The following FILIP1L variants were observed in gnomAD, a reference collection of about 807,000 sequenced individuals.
The protein encoded by FILIP1L is filamin A-interacting protein 1-like.
In FILIP1L, 55 loss-of-function variants were observed where a neutral mutation model predicts 96.6. The observed-to-expected ratio is 0.57, with a 90% confidence interval of 0.46 to 0.71. The LOEUF is 0.71. FILIP1L is among the 30% of genes least tolerant of loss of function. The pLI, the probability that FILIP1L is intolerant of heterozygous loss-of-function variation, is 0.00. For synonymous variants in FILIP1L, 467 were observed against 473.9 expected, an observed-to-expected ratio of 0.99 and a Z score of 0.19; for missense variants, 1,304 against 1,321.2, an observed-to-expected ratio of 0.99 and a Z score of 0.20.
chr3:99,856,773 C>T (rs1207181377), intron 4 of FILIP1L, among the ~76,000 whole-genome samples: 1 of 152,126 alleles, frequency 6.6e-6, no homozygotes, highest in Non-Finnish European at 1.5e-5. Context: ...TTTTTATTTG[C>T]AGACACATAT....
At chr3:99,860,501 G>T (rs1944192536) in intron 4 of FILIP1L, among the ~76,000 whole-genome samples, 1 of 152,156 alleles carries the variant, frequency 6.6e-6, no homozygotes, top group Non-Finnish European at 1.5e-5. Flanking sequence ...AAGTAACTGA[G>T]AAAAAGGGTC....
chr3:100,025,410 TCTC>T (rs2064901008), intron 1 of FILIP1L: 2 of 152,210 alleles, frequency 1.3e-5, no homozygotes, highest in African/African-American at 4.8e-5. Context: ...CTTTCCTTCT[TCTC>T]TTCCTTCCTT....
intron 1 of FILIP1L, among the ~76,000 whole-genome samples, chr3:100,037,957 G>C (rs5851192): frequency 1.9e-4 from 2 of 10,646 alleles, no homozygotes; most frequent in African/African-American, 2.7e-4. Flanking sequence ...TTTTTTTTTT[G>C]GGGGGGGAGG....
chr3:100,074,675 A>ATTTTTTTTTTTTTTTTTTTTTTTTTTT lies in FILIP1L; in HGVS notation c.-11+39351_-11+39377dup, dbSNP rs555819875. On this transcript the variant is annotated intron_variant, in intron 1 of 5. Coordinates refer to ENST00000477258, the MANE Select transcript of FILIP1L (RefSeq NM_001387850.1). The stretch of plus-strand genomic sequence containing the variant: ...ATTTTCTATGCATGTGCAACATTTG[A>ATTTTTTTTTTTTTTTTTTTTTTTTTTT]TTTTTTTTTTTTTTTTTTTTTTTTT... 9.8e-4 allele frequency among the ~76,000 whole-genome samples: 34 copies of ATTTTTTTTTTTTTTTTTTTTTTTTTTT among 34,802 alleles called. 15 individuals are homozygous for ATTTTTTTTTTTTTTTTTTTTTTTTTTT. The highest frequency in any genetic ancestry group is 4.2e-3 in the East Asian group (4 of 942). 22.8% of individuals were successfully genotyped at this position (34,802 alleles called of 152,430 possible).
At chr3:100,042,145 A>G (rs976147701) in intron 1 of FILIP1L, among the ~76,000 whole-genome samples, 1 of 152,340 alleles carries the variant, frequency 6.6e-6, no homozygotes, top group South Asian at 2.1e-4. Flanking sequence ...TCATTATTAC[A>G]TATTAAAGGA....
At chr3:99,938,930 C>T (rs1707775448) in intron 1 of FILIP1L, among the ~76,000 whole-genome samples, 1 of 152,108 alleles carries the variant, frequency 6.6e-6, no homozygotes, top group Non-Finnish European at 1.5e-5. Context: ...TAAAAAAAGA[C>T]AATTGAAAAC....
chr3:99,916,064 G>C (rs1322799037), intron 4 of FILIP1L, among the ~76,000 whole-genome samples: 1 of 152,288 alleles, frequency 6.6e-6, no homozygotes, highest in African/African-American at 2.4e-5. Flanking sequence ...TGTCTGAATA[G>C]CTGGTTAAAC....
At chr3:99,967,921 T>C (rs1269216996) in intron 1 of FILIP1L, among the ~76,000 whole-genome samples, 3 of 152,206 alleles carry the variant, frequency 2.0e-5, no homozygotes, top group Non-Finnish European at 4.4e-5. Flanking sequence ...AATAGATAAG[T>C]GCAACGGTAT....
intron 1 of FILIP1L, among the ~76,000 whole-genome samples, chr3:100,074,104 G>A (rs2065807759): frequency 6.6e-6 from 1 of 152,098 alleles, no homozygotes; most frequent in Non-Finnish European, 1.5e-5. Flanking sequence ...GAAAATATGA[G>A]GCAGATCTTG....
chr3:100,056,803 G>A (rs1349590130), intron 1 of FILIP1L, among the ~76,000 whole-genome samples: 1 of 151,460 alleles, frequency 6.6e-6, no homozygotes, highest in African/African-American at 2.4e-5. Context: ...AGGAGATCGA[G>A]ACCATCCTGG....
intron 1 of FILIP1L, among the ~76,000 whole-genome samples, chr3:99,946,053 T>C (rs1206131000): frequency 8.5e-5 from 13 of 152,224 alleles, no homozygotes. Context: ...ATAAAGTTCT[T>C]GAAATTATGG....
Position 99,849,146 on chromosome 3 carries a change from C to G in FILIP1L, c.2530G>C (p.Val844Leu), listed in dbSNP as rs779840156. 13 of 1,614,040 alleles carry G rather than the reference C, an allele frequency of 8.1e-6. No homozygotes were observed. The highest frequency in any genetic ancestry group is 1.0e-5 in the Non-Finnish European group (12 of 1,180,032). The change falls in exon 5 of 6, where the codon GTG becomes CTG. Residue 844 changes from valine to leucine, a missense_variant. By Grantham distance (32) the Val-to-Leu change is conservative. Transcript: ENST00000477258. ...GACTGGCTGCATTTGAAGGACAGCA[C>G]AGATCCCTCATCATTAGGGTCCTCG... ...QDEDPNDEGS[V>L]LSFKCSQSTP... is the part of the protein sequence containing the mutation.
rs750854972 is a variant in FILIP1L, at chr3:99,850,712, G to A, written c.964C>T (p.Gln322Ter). 6 of 1,614,120 alleles carry A rather than the reference G, an allele frequency of 3.7e-6. No homozygotes were observed. The highest frequency in any genetic ancestry group is 1.1e-5 in the South Asian group (1 of 91,066). Residue 322 changes from glutamine to a stop codon, truncating the protein, a stop_gained, in exon 5 of 6, where the codon CAG becomes TAG. Coordinates refer to ENST00000477258, the MANE Select transcript of FILIP1L (RefSeq NM_001387850.1). LOFTEE classifies it high-confidence loss of function. ...AGTGCTGCCAGCTTTTGTTGAAGCT[G>A]GCGATTTTGACTGTCCTCATTGGTG... ...KLTNEDSQNR[Q>*]LQQKLAALSR... is the part of the protein sequence containing the mutation.
intron 4 of FILIP1L, among the ~76,000 whole-genome samples, chr3:99,865,820 TG>T (rs1251504921): frequency 3.3e-5 from 5 of 152,024 alleles, no homozygotes; most frequent in Non-Finnish European, 4.4e-5. Flanking sequence ...AATATTTATA[TG>T]TTTTTTTATT....
chr3:100,070,700 C>T (rs1462798011), intron 1 of FILIP1L, among the ~76,000 whole-genome samples: 1 of 152,136 alleles, frequency 6.6e-6, no homozygotes, highest in Non-Finnish European at 1.5e-5. Flanking sequence ...GGCGCAATCT[C>T]GGCTCACTGC....
chr3:99,843,574 G>A (rs1353734673), intron 5 of FILIP1L, among the ~76,000 whole-genome samples: 1 of 152,038 alleles, frequency 6.6e-6, no homozygotes, highest in Non-Finnish European at 1.5e-5. Flanking sequence ...CCCACTGTGA[G>A]TTGAAAATAT....
intron 1 of FILIP1L, among the ~76,000 whole-genome samples, chr3:99,994,988 CT>C (rs1227756727): frequency 1.3e-5 from 2 of 152,158 alleles, no homozygotes; most frequent in Non-Finnish European, 2.9e-5. Flanking sequence ...CATTCCACCC[CT>C]GGCCCCTCCA....
intron 1 of FILIP1L, among the ~76,000 whole-genome samples, chr3:100,036,350 G>A (rs972058581): frequency 2.6e-5 from 4 of 152,176 alleles, no homozygotes; most frequent in Admixed American, 6.5e-5. Context: ...TTCATGCCAC[G>A]ATGTTAGGAA....
chr3:99,959,468 A>G (rs186352519), intron 1 of FILIP1L, among the ~76,000 whole-genome samples: 10 of 152,294 alleles, frequency 6.6e-5, no homozygotes, highest in African/African-American at 2.4e-4. Context: ...CAAACTTTAA[A>G]TATTTTATTT....
Sources: allele counts gnomAD v4.1 joint callset (sites outside exome capture counted in the v4.1 genomes callset), GRCh38; gene constraint gnomAD v4.1.1; transcripts MANE v1.5; gene names NCBI Gene and HGNC (gene_info 2026-07-23, HGNC 2026-07-21).